Variants in STX8 observed in about 807,000 individuals in gnomAD.
STX8 encodes syntaxin-8.
In STX8, 23 loss-of-function variants were observed where a neutral mutation model predicts 37.5. The ratio of observed to expected loss-of-function variants is 0.61; its 90% CI spans 0.44 to 0.87. The LOEUF is 0.87. Ranked by LOEUF, STX8 falls within the 40% of genes least tolerant of loss-of-function variation. The pLI is 0.00. For synonymous variants in STX8, 115 were observed against 99.1 expected (o/e 1.16, Z -0.95); for missense variants, 313 against 284.7 (o/e 1.10, Z -0.71).
At chr17:9,567,564 T>C (rs890196845) in intron 2 of STX8, among the ~76,000 whole-genome samples, 1 of 152,260 alleles carries the variant, frequency 6.6e-6, no homozygotes, top group Admixed American at 6.5e-5. Context: ...TGGTGTTAGA[T>C]TTGAATCAGA....
At position 9,261,733 on chromosome 17, in the gene STX8, G is replaced by A. The variant is rs148943681; in HGVS notation, c.644-11088C>T. Among the ~76,000 whole-genome samples, 171 of 152,250 alleles carry A rather than the reference G, an allele frequency of 1.1e-3. No homozygotes were observed. The South Asian group carries it at 0.018, about 16-fold the overall frequency. On this transcript the variant is annotated intron_variant, in intron 7 of 7. Transcript: ENST00000306357. ...TAATCCTTCATATCAGCCACCAAGA[G>A]CAGCAGGTTAGGAGTTGTCAAGCCA...
intron 6 of STX8, among the ~76,000 whole-genome samples, chr17:9,468,796 C>T (rs60760678): frequency 2.0e-5 from 3 of 152,020 alleles, no homozygotes; most frequent in Non-Finnish European, 2.9e-5. Flanking sequence ...GTGAATTCAA[C>T]GTGGGACAAT....
At position 9,367,614 on chromosome 17, in the gene STX8, G is replaced by C. The variant is rs141947532; in HGVS notation, c.643+10938C>G. The stretch of plus-strand genomic sequence containing the variant: ...TAGCATGATTTACACAGCAAAATGT[G>C]GGAATAAACTAAGGCCCCCAAACCA... On this transcript the variant is annotated intron_variant, in intron 7 of 7. Transcript: ENST00000306357. Among the ~76,000 whole-genome samples the C allele has an allele frequency of 2.2e-3, 342 of 152,266 alleles. 2 individuals are homozygous for C. Among genetic ancestry groups the C allele is most frequent in the African/African-American group, 7.4e-3 (307 of 41,546 alleles).
intron 4 of STX8, among the ~76,000 whole-genome samples, chr17:9,506,425 A>ACCCCCG (rs1904840096): frequency 0.046 from 1,582 of 34,646 alleles, 109 homozygotes; most frequent in African/African-American, 0.15. Flanking sequence ...CCCCCCACCC[A>ACCCCCG]CCTTTCTTAG....
chr17:9,318,690 A>T (rs1285502730), intron 7 of STX8, among the ~76,000 whole-genome samples: 1 of 152,218 alleles, frequency 6.6e-6, no homozygotes, highest in East Asian at 1.9e-4. Context: ...ATAAACTATT[A>T]TTTAGAATTC....
intron 7 of STX8, among the ~76,000 whole-genome samples, chr17:9,327,672 G>T (rs1036919081): frequency 2.0e-5 from 3 of 152,110 alleles, no homozygotes; most frequent in East Asian, 3.9e-4. Context: ...GTAGGGCAGA[G>T]AATTTTTTTC....
At chr17:9,254,795 G>T (rs748860649) in intron 7 of STX8, among the ~76,000 whole-genome samples, 1 of 152,052 alleles carries the variant, frequency 6.6e-6, no homozygotes, top group African/African-American at 2.4e-5. Context: ...CATATCCCCC[G>T]TACCTAGAAC....
intron 7 of STX8, among the ~76,000 whole-genome samples, chr17:9,294,710 G>C: frequency 6.6e-6 from 1 of 152,296 alleles, no homozygotes; most frequent in East Asian, 1.9e-4. Flanking sequence ...GGACTGAATC[G>C]TATCACCCCA....
intron 7 of STX8, among the ~76,000 whole-genome samples, chr17:9,341,923 T>C (rs760709185): frequency 7.9e-5 from 12 of 151,974 alleles, no homozygotes; most frequent in Admixed American, 1.3e-4. Flanking sequence ...GACGAGACCA[T>C]GTAGAGAGAC....
chr17:9,383,601 A>G (rs986401942), intron 6 of STX8, among the ~76,000 whole-genome samples: 17 of 152,220 alleles, frequency 1.1e-4, no homozygotes, highest in Admixed American at 8.5e-4. Flanking sequence ...GCATCTGTTG[A>G]ACATTTTATT....
At chr17:9,547,935 T>C (rs1453325509) in intron 3 of STX8, among the ~76,000 whole-genome samples, 3 of 151,516 alleles carry the variant, frequency 2.0e-5, no homozygotes, top group Non-Finnish European at 4.4e-5. Flanking sequence ...GGATTACAGG[T>C]GTCCACCACC....
chr17:9,301,830 A>G lies in STX8; in HGVS notation c.644-51185T>C, dbSNP rs555996651. 2.6e-4 allele frequency among the ~76,000 whole-genome samples: 39 copies of G among 152,100 alleles called. No homozygotes were observed. The South Asian group carries it at 5.8e-3, about 23-fold the overall frequency. ...AATAGAAAACTAGATTTATTTTGCT[A>G]TTGTTTTAGGTAGGGCATTTTAGGG... is the stretch of plus-strand genomic sequence containing the variant. On this transcript the variant is annotated intron_variant, in intron 7 of 7. Transcript: ENST00000306357.
intron 6 of STX8, among the ~76,000 whole-genome samples, chr17:9,464,347 G>A (rs916489139): frequency 5.3e-5 from 8 of 152,198 alleles, no homozygotes; most frequent in African/African-American, 1.7e-4. Flanking sequence ...ATTCAGCTAC[G>A]ATACCAGGCA....
chr17:9,417,410 C>A (rs1019771370), intron 6 of STX8, among the ~76,000 whole-genome samples: 9 of 152,068 alleles, frequency 5.9e-5, no homozygotes, highest in Non-Finnish European at 1.0e-4. Context: ...ATTACAGATG[C>A]CCGTTTCCTA....
intron 3 of STX8, chr17:9,556,821 T>TATATATATATATATATATATA (rs1324971087): frequency 2.2e-5 from 3 of 138,942 alleles, no homozygotes; most frequent in Admixed American, 7.3e-5. Flanking sequence ...ATATATATAT[T>TATATATATATATATATATATA]TTAACACTTG....
intron 7 of STX8, among the ~76,000 whole-genome samples, chr17:9,349,520 C>T (rs772964161): frequency 1.3e-5 from 2 of 151,710 alleles, no homozygotes; most frequent in African/African-American, 2.4e-5. Flanking sequence ...TGGAGTTTTA[C>T]CATGTTGGCC....
At position 9,532,273 on chromosome 17, in the gene STX8, C is replaced by T. The variant is rs145024688; in HGVS notation, c.323+12899G>A. On this transcript the variant is annotated intron_variant, in intron 4 of 7. Transcript: ENST00000306357. ...CTTCGAATAGCTACTCTGTCAAGTT[C>T]GAAGGTAGTTTCAAGATACTTAAGA... 9.4e-3 allele frequency among the ~76,000 whole-genome samples: 1,428 copies of T among 152,136 alleles called. 15 individuals are homozygous for T. The highest frequency in any genetic ancestry group is 0.034 in the Middle Eastern group (10 of 292).
At chr17:9,270,022 C>G (rs1037328126) in intron 7 of STX8, among the ~76,000 whole-genome samples, 1 of 152,258 alleles carries the variant, frequency 6.6e-6, no homozygotes, top group African/African-American at 2.4e-5. Flanking sequence ...TAATTGGATT[C>G]ATGATTTACC....
intron 6 of STX8, among the ~76,000 whole-genome samples, chr17:9,433,910 A>T (rs1206861561): frequency 2.6e-5 from 4 of 152,216 alleles, no homozygotes; most frequent in South Asian, 4.1e-4. Flanking sequence ...AGAACAGCAC[A>T]GAAGAAGGTA....
Sources: allele counts gnomAD v4.1 joint callset (sites outside exome capture counted in the v4.1 genomes callset), GRCh38; gene constraint gnomAD v4.1.1; transcripts MANE v1.5; gene names NCBI Gene and HGNC (gene_info 2026-07-23, HGNC 2026-07-21).